The following ZNF606 variants were observed in gnomAD, a reference collection of about 807,000 sequenced individuals.
ZNF606 encodes the protein zinc finger protein 606.
Under a neutral mutation model 74.9 loss-of-function variants are expected in ZNF606, and 37 were observed. The ratio of observed to expected loss-of-function variants is 0.49; its 90% CI spans 0.38 to 0.65. The LOEUF (loss-of-function observed/expected upper bound fraction) is 0.65, where lower values mean the gene tolerates loss of function less well. Ranked by LOEUF, ZNF606 falls within the 30% of genes least tolerant of loss-of-function variation. The pLI is 0.00. For missense variants in ZNF606, 852 were observed against 952.9 expected (o/e 0.89, Z 1.39); for synonymous variants, 328 against 312.4 (o/e 1.05, Z -0.53).
chr19:57,994,539 G>T (rs190458043), intron 4 of ZNF606, among the ~76,000 whole-genome samples: 3 of 152,300 alleles, frequency 2.0e-5, no homozygotes, highest in African/African-American at 7.2e-5. Flanking sequence ...AGACTGGGAG[G>T]AGTTAGTTGA....
chr19:57,980,559 G>A (rs1377608506), intron 6 of ZNF606, among the ~76,000 whole-genome samples: 5 of 152,038 alleles, frequency 3.3e-5, no homozygotes, highest in East Asian at 3.9e-4. Context: ...GAAAGAGGCC[G>A]GACGAGGTGG....
chr19:57,995,052 G>A (rs113200341), intron 4 of ZNF606, among the ~76,000 whole-genome samples: 9,634 of 151,822 alleles, frequency 0.063, 416 homozygotes, highest in Middle Eastern at 0.095. Context: ...TTAGCTGGGC[G>A]TGGTGGCATG....
At chr19:58,002,882 A>C, upstream of ZNF606, 1 of 432,574 alleles carries the variant, frequency 2.3e-6, no homozygotes, top group South Asian at 1.6e-5. Context: ...GGCGTCGGGC[A>C]GCGGCGCCGC....
intron 6 of ZNF606, among the ~76,000 whole-genome samples, chr19:57,982,567 T>C (rs28606063): frequency 0.22 from 34,192 of 152,056 alleles, 3,960 homozygotes; most frequent in Non-Finnish European, 0.24. Context: ...GAACTAGACC[T>C]TGCCCTCTCT....
At chr19:57,990,829 A>G (rs2073247243) in intron 4 of ZNF606, among the ~76,000 whole-genome samples, 1 of 152,108 alleles carries the variant, frequency 6.6e-6, no homozygotes, top group Non-Finnish European at 1.5e-5. Context: ...TGGGCTTAAA[A>G]CAAAGAACTG....
intron 6 of ZNF606, among the ~76,000 whole-genome samples, chr19:57,984,963 C>T (rs1291216311): frequency 2.6e-5 from 4 of 152,040 alleles, no homozygotes; most frequent in South Asian, 2.1e-4. Context: ...GGCGTGGTGT[C>T]GGGCGCCTGT....
At chr19:57,991,761 C>T (rs1169066518) in intron 4 of ZNF606, among the ~76,000 whole-genome samples, 2 of 151,020 alleles carry the variant, frequency 1.3e-5, no homozygotes, top group Non-Finnish European at 2.9e-5. Context: ...GCCTGGGCGA[C>T]AGAGTGAAAC....
At chr19:57,983,169 T>C (rs570026685) in intron 6 of ZNF606, among the ~76,000 whole-genome samples, 47 of 152,314 alleles carry the variant, frequency 3.1e-4, no homozygotes, top group African/African-American at 1.1e-3. Context: ...ACTCAGTACT[T>C]GTAGTCTACT....
Position 57,978,889 on chromosome 19 carries a change from G to A in ZNF606, c.1791C>T (p.Asn597=), listed in dbSNP as rs930433456. Residue 597 remains asparagine (N), a synonymous_variant, in exon 7 of 7, where the codon AAC becomes AAT. Transcript: ENST00000551380. The surrounding 1 kb of genome is among the most constrained non-coding windows in gnomAD (Gnocchi z 4.4). ...QRTHTGEKPY[N]CQECGKAFRE... is the part of the protein sequence containing the mutation. ...TGAATGCTTTGCCACATTCCTGACA[G>A]TTATATGGTTTCTCTCCCGTGTGAG... is the stretch of plus-strand genomic sequence containing the variant. 2 of 1,613,860 alleles carry A rather than the reference G, an allele frequency of 1.2e-6. No homozygotes were observed. Among genetic ancestry groups the A allele is most frequent in the African/African-American group, 1.3e-5 (1 of 74,872 alleles).
At chr19:57,990,472 G>C (rs1478699085) in intron 4 of ZNF606, among the ~76,000 whole-genome samples, 1 of 150,972 alleles carries the variant, frequency 6.6e-6, no homozygotes, top group Admixed American at 6.6e-5. Context: ...CCCAGGAGGT[G>C]GAGGCTGCAG....
chr19:57,998,316 A>C (rs2073367490), intron 4 of ZNF606: 1 of 152,152 alleles, frequency 6.6e-6, no homozygotes, highest in Non-Finnish European at 1.5e-5. Flanking sequence ...TGCCTCAGTC[A>C]TTTTTTACAA....
intron 4 of ZNF606, among the ~76,000 whole-genome samples, chr19:57,989,924 C>T (rs1338210633): frequency 2.0e-5 from 3 of 151,168 alleles, no homozygotes; most frequent in East Asian, 2.0e-4. Flanking sequence ...CAGTGGCACA[C>T]GCCTATAATC....
rs1352862692 is a variant in ZNF606, at chr19:57,979,073, C to G, written c.1607G>C (p.Gly536Ala). The G allele has an allele frequency of 6.2e-7, 1 of 1,614,106 alleles. No homozygotes were observed. Reference sequence around the variant, plus strand: ...TTCATCACATTTAAAGGGTTTCTCTCCAGTATGCATTCTCATATGGGCAAT... The same window carrying G: ...TTCATCACATTTAAAGGGTTTCTCTGCAGTATGCATTCTCATATGGGCAAT... The part of the protein sequence containing the change: ...HLIAHMRMHT[G>A]EKPFKCDECE... The change falls in exon 7 of 7, where the codon GGA becomes GCA. Residue 536 changes from glycine (G) to alanine (A), a missense_variant. Around this residue, in one of 3 missense-constraint regions of ZNF606, gnomAD observed 243 missense variants for 359.2 expected, o/e 0.68. Coordinates refer to ENST00000551380, the MANE Select transcript of ZNF606 (RefSeq NM_001348022.3).
intron 5 of ZNF606, 69 bp from the exon 6 acceptor site, chr19:57,988,371 G>A (rs2073197440): frequency 6.7e-7 from 1 of 1,501,906 alleles, no homozygotes. Context: ...AGCTTCTCTT[G>A]CCTATTCCTC....
intron 6 of ZNF606, among the ~76,000 whole-genome samples, chr19:57,982,559 A>G (rs886603415): frequency 2.0e-5 from 3 of 152,120 alleles, no homozygotes; most frequent in African/African-American, 7.2e-5. Context: ...CCCAACAAGA[A>G]CTAGACCTTG....
intron 4 of ZNF606, among the ~76,000 whole-genome samples, chr19:57,991,492 G>A (rs760579988): frequency 9.2e-5 from 14 of 152,148 alleles, no homozygotes; most frequent in Non-Finnish European, 1.9e-4. Context: ...TTATGGTAAT[G>A]TAAGGTTTTT....
chr19:58,001,291 C>A lies in ZNF606; in HGVS notation c.29G>T (p.Trp10Leu), dbSNP rs201438785. The part of the protein sequence containing the change: MAAINPWAS[W>L]GALTDQSWGM... ...GGAGAAACACAACTTGGACTCACCCCAGGAGGCCCACGGGTTGATGGCTGC... is the reference window on the plus strand; with the variant it reads ...GGAGAAACACAACTTGGACTCACCCAAGGAGGCCCACGGGTTGATGGCTGC... The change falls in exon 2 of 7, where the codon TGG becomes TTG. Residue 10 changes from tryptophan (W) to leucine (L), a missense_variant and splice_region_variant. Transcript: ENST00000551380. 2.3e-4 allele frequency: 366 copies of A among 1,614,042 alleles called. 2 individuals carry two copies. The highest frequency in any genetic ancestry group is 1.1e-4 in the Non-Finnish European group (125 of 1,180,024).
chr19:57,983,773 G>A (rs2073125310), intron 6 of ZNF606, among the ~76,000 whole-genome samples: 1 of 152,168 alleles, frequency 6.6e-6, no homozygotes, highest in African/African-American at 2.4e-5. Flanking sequence ...CACTCAGCAT[G>A]AGCAGAGGCA....
At chr19:57,984,418 C>T (rs1476861060) in intron 6 of ZNF606, among the ~76,000 whole-genome samples, 2 of 152,178 alleles carry the variant, frequency 1.3e-5, no homozygotes, top group Admixed American at 1.3e-4. Context: ...TTCATGAGCT[C>T]TTAGGGGAAA....
Sources: gnomAD v4.1 joint callset for allele counts (sites outside exome capture counted in the v4.1 genomes callset) on GRCh38, gnomAD v4.1.1 for gene constraint, gnomAD v4.1.1 regional missense constraint, Gnocchi (gnomAD v3.1) non-coding constraint, MANE v1.5 for transcripts, NCBI Gene and HGNC (gene_info 2026-07-23, HGNC 2026-07-21) for gene names.